Variants in MLC1 observed in about 807,000 individuals in gnomAD.
MLC1 encodes membrane protein MLC1.
A neutral mutation model predicts 44.7 loss-of-function variants in MLC1; 32 were observed. The ratio of observed to expected loss-of-function variants is 0.72; its 90% CI spans 0.54 to 0.96. The LOEUF is 0.96. Ranked by LOEUF, MLC1 falls within the 40% of genes least tolerant of loss-of-function variation. The probability of loss-of-function intolerance (pLI) is 0.00; values close to 1 mark genes in which losing one functional copy is unlikely to be tolerated. For missense variants in MLC1, 459 were observed against 492.2 expected (o/e 0.93, Z 0.64); for synonymous variants, 190 against 213.0 (o/e 0.89, Z 0.94).
chr22:50,081,115 G>A (rs1015942365), intron 3 of MLC1, among the ~76,000 whole-genome samples: 6 of 151,718 alleles, frequency 4.0e-5, no homozygotes, highest in Admixed American at 6.6e-5. Context: ...AGGCTGAGGC[G>A]GGTGGATCAG....
chr22:50,073,435 G>A (rs1240438558), intron 8 of MLC1, among the ~76,000 whole-genome samples: 2 of 152,164 alleles, frequency 1.3e-5, no homozygotes, highest in Non-Finnish European at 2.9e-5. Context: ...GGGTGTGGAG[G>A]GGTTGCTCTA....
At chr22:50,068,626 G>GCCCCCCCAGCC in intron 9 of MLC1, 71 bp from the exon 10 acceptor site, 4 of 1,506,040 alleles carry the variant, frequency 2.7e-6, no homozygotes, top group Non-Finnish European at 3.7e-6. Context: ...CGTGGCCAGG[G>GCCCCCCCAGCC]CTGGGGGGGC....
At chr22:50,077,364 G>T (rs1347662280) in intron 6 of MLC1, 37 bp downstream of exon 6, 1 of 1,584,332 alleles carries the variant, frequency 6.3e-7, no homozygotes, top group African/African-American at 1.3e-5. Flanking sequence ...TGATGCCTCT[G>T]CACCCCCTGC....
At chr22:50,074,785 C>T (rs1414742924) in intron 7 of MLC1, 2 of 223,690 alleles carry the variant, frequency 8.9e-6, no homozygotes, top group South Asian at 6.5e-5. Context: ...TTGCCATTGC[C>T]ACGGCAACAC....
intron 8 of MLC1, among the ~76,000 whole-genome samples, chr22:50,073,046 C>T (rs2235348): frequency 6.9e-4 from 104 of 151,230 alleles, no homozygotes; most frequent in Middle Eastern, 3.4e-3. Flanking sequence ...CCGGCCACAC[C>T]GTTCCCGGGC....
At chr22:50,085,823 C>CT (rs1569253499), upstream of MLC1, 1 of 152,082 alleles carries the variant, frequency 6.6e-6, no homozygotes, top group Non-Finnish European at 1.5e-5. Context: ...GCTGTGTGGC[C>CT]TTGGGCGGCT....
chr22:50,085,077 A>G, intron 1 of MLC1, 116 bp from the exon 2 acceptor site: 1 of 1,450,634 alleles, frequency 6.9e-7, no homozygotes, highest in Non-Finnish European at 9.1e-7. Flanking sequence ...CTAAATTTGA[A>G]GAAGAAAATG....
At chr22:50,069,127 A>C in intron 9 of MLC1, among the ~76,000 whole-genome samples, 1 of 151,890 alleles carries the variant, frequency 6.6e-6, no homozygotes, top group East Asian at 1.9e-4. Context: ...CCTGGGTTCA[A>C]GCAATTCTCC....
intron 7 of MLC1, chr22:50,074,564 T>G: frequency 1.8e-6 from 1 of 552,964 alleles, no homozygotes; most frequent in Non-Finnish European, 3.3e-6. Flanking sequence ...AAAGAGGTGT[T>G]TCCCCCACTG....
chr22:50,085,489 A>C, upstream of MLC1: 1 of 168,262 alleles, frequency 5.9e-6, no homozygotes, highest in Non-Finnish European at 1.3e-5. Context: ...CCTGAATATC[A>C]ATGAGGGGAG....
chr22:50,083,120 C>T lies in MLC1; in HGVS notation c.231G>A (p.Pro77=), dbSNP rs150088744. ...CACAGCGCAAGTAATCCATCTCAGC[C>T]GGGAACACGTTCCCCAGGTACAGCG... ...GFSLYLGNVF[P]AEMDYLRCAA... is the part of the protein sequence containing the mutation. The change falls in exon 3 of 12, where the codon CCG becomes CCA. Residue 77 remains proline (P), a synonymous_variant. Coordinates refer to ENST00000311597, the MANE Select transcript of MLC1 (RefSeq NM_015166.4). The surrounding 1 kb of genome is among the most constrained non-coding windows in gnomAD (Gnocchi z 4.6). 2.8e-5 allele frequency: 46 copies of T among 1,614,136 alleles called. No homozygotes were observed. Among genetic ancestry groups the T allele is most frequent in the East Asian group, 8.9e-5 (4 of 44,892 alleles).
intron 9 of MLC1, 40 bp from the exon 10 acceptor site, chr22:50,068,595 C>T (rs1569244314): frequency 1.4e-6 from 2 of 1,398,060 alleles, no homozygotes; most frequent in Non-Finnish European, 1.9e-6. Context: ...CGGCCGGAGC[C>T]TGGGAGCCCA....
chr22:50,081,932 C>CA (rs1168471711), intron 3 of MLC1, among the ~76,000 whole-genome samples: 1 of 152,258 alleles, frequency 6.6e-6, no homozygotes, highest in East Asian at 1.9e-4. Flanking sequence ...GAGAAGCTTC[C>CA]AGAGAGGGCA....
chr22:50,080,195 G>A (rs1435741688), intron 4 of MLC1, 149 bp downstream of exon 4: 1 of 1,151,428 alleles, frequency 8.7e-7, no homozygotes, highest in Non-Finnish European at 1.3e-6. Context: ...GGCTGGGCAG[G>A]AGCTTTACTG....
chr22:50,067,956 A>C (rs35110809), intron 10 of MLC1, among the ~76,000 whole-genome samples: 27,336 of 146,706 alleles, frequency 0.19, 2,636 homozygotes, highest in East Asian at 0.26. Context: ...TACTGGAAAA[A>C]AAAAAACAAA....
intron 7 of MLC1, 148 bp from the exon 8 acceptor site, chr22:50,074,480 C>T: frequency 1.4e-6 from 1 of 718,062 alleles, no homozygotes; most frequent in Non-Finnish European, 2.5e-6. Flanking sequence ...TGGATGGACC[C>T]CCAGCCTCAC....
At chr22:50,066,145 T>C (rs1475267029) in intron 10 of MLC1, among the ~76,000 whole-genome samples, 116 of 130,776 alleles carry the variant, frequency 8.9e-4, no homozygotes, top group South Asian at 1.8e-3. Context: ...CATGACCAGC[T>C]CAGGCGACAG....
chr22:50,078,693 G>A (rs986529347), intron 5 of MLC1, among the ~76,000 whole-genome samples: 1 of 151,264 alleles, frequency 6.6e-6, no homozygotes, highest in Non-Finnish European at 1.5e-5. Flanking sequence ...GAGCCGAGAT[G>A]GAGCCACTGC....
intron 11 of MLC1, 118 bp from the exon 12 acceptor site, chr22:50,061,775 T>C (rs1231179547): frequency 2.2e-5 from 20 of 922,008 alleles, no homozygotes; most frequent in Non-Finnish European, 2.4e-5. Context: ...TCTTCGAATG[T>C]GAAGGAAGTG....
Sources: gnomAD v4.1 joint callset for allele counts (sites outside exome capture counted in the v4.1 genomes callset) on GRCh38, gnomAD v4.1.1 for gene constraint, Gnocchi (gnomAD v3.1) non-coding constraint, MANE v1.5 for transcripts, NCBI Gene and HGNC (gene_info 2026-07-23, HGNC 2026-07-21) for gene names.